Variants in THAP5 observed in about 807,000 individuals in gnomAD.
The protein encoded by THAP5 is THAP domain-containing protein 5.
In THAP5, 26 loss-of-function variants were observed where a neutral mutation model predicts 34.0. The ratio of observed to expected loss-of-function variants is 0.77; its 90% CI spans 0.56 to 1.06. THAP5 has a LOEUF of 1.06. THAP5 is among the 50% of genes least tolerant of loss of function. THAP5 has a pLI of 0.00. For synonymous variants in THAP5, 125 were observed against 153.0 expected, an observed-to-expected ratio of 0.82 and a Z score of 1.35; for missense variants, 394 against 452.8, an observed-to-expected ratio of 0.87 and a Z score of 1.18.
Position 108,564,328 on chromosome 7 carries a change from T to C in THAP5, c.1051A>G (p.Lys351Glu). 6.2e-7 allele frequency: 1 copy of C among 1,613,920 alleles called. No individual in the cohort carries two copies. Among genetic ancestry groups the C allele is most frequent in the East Asian group, 2.2e-5 (1 of 44,804 alleles). The change falls in exon 3 of 3, where the codon AAA (lysine) becomes GAA (glutamate). Residue 351 changes from lysine to glutamate, a missense_variant. Transcript: ENST00000415914. ...AATCTACCTAGAGTTTGTTGCTCTTTTAACTCTAGAAGAGTTATCTTTGAA... is the reference window on the plus strand; with the variant it reads ...AATCTACCTAGAGTTTGTTGCTCTTCTAACTCTAGAAGAGTTATCTTTGAA... ...LHSKITLLEL[K>E]EQQTLGRLKS...
chr7:108,553,976 G>A (rs536342076), downstream of THAP5, among the ~76,000 whole-genome samples: 3 of 152,224 alleles, frequency 2.0e-5, no homozygotes, highest in East Asian at 5.8e-4. Flanking sequence ...AGCATGTATT[G>A]GAAACAATCC....
At chr7:108,551,151 C>G (rs1041331714), downstream of THAP5, among the ~76,000 whole-genome samples, 1 of 152,130 alleles carries the variant, frequency 6.6e-6, no homozygotes, top group Non-Finnish European at 1.5e-5. Context: ...CCTATGTTTT[C>G]TTATGACTAC....
At chr7:108,552,619 G>C (rs1324370933), downstream of THAP5, among the ~76,000 whole-genome samples, 1 of 152,184 alleles carries the variant, frequency 6.6e-6, no homozygotes, top group Non-Finnish European at 1.5e-5. Context: ...GGCCAACATG[G>C]TGAAACGCTG....
intron 2 of THAP5, 181 bp downstream of exon 2, chr7:108,565,649 G>T (rs1406350661): frequency 8.4e-6 from 4 of 474,396 alleles, no homozygotes; most frequent in Non-Finnish European, 1.5e-5. Context: ...CTCTTAAGCT[G>T]TGCTTCATGA....
rs1790417715 is a variant in THAP5, at chr7:108,563,984, A to G, written c.*207T>C. 1 of 427,854 alleles carries G rather than the reference A, an allele frequency of 2.3e-6. No homozygotes were observed. 26.5% of individuals were successfully genotyped at this position (427,854 alleles called of 1,614,324 possible). A position where few individuals can be genotyped will look rare whatever the true frequency, so the allele number is the denominator to read the frequency against. On this transcript the variant is annotated 3_prime_UTR_variant, in exon 3 of 3. Coordinates refer to ENST00000415914, the MANE Select transcript of THAP5 (RefSeq NM_001130475.3). The stretch of plus-strand genomic sequence containing the variant: ...TAAATTTTAATTTGGAAAATTATCA[A>G]GTAATAAAACTGCTTTTCTCTCCAG...
intron 1 of THAP5, chr7:108,569,050 C>T (rs573962784): frequency 1.0e-6 from 1 of 981,694 alleles, no homozygotes; most frequent in South Asian, 4.0e-5. Context: ...TTCCGGGCCT[C>T]AGTTTCCTCA....
chr7:108,558,377 G>GTA (rs1233660542), downstream of THAP5, among the ~76,000 whole-genome samples: 6 of 63,042 alleles, frequency 9.5e-5, no homozygotes, highest in South Asian at 4.9e-4. Flanking sequence ...ATGTGTGTGT[G>GTA]TATGTATATA....
Position 108,566,011 on chromosome 7 carries a change from T to G in THAP5, c.92A>C (p.His31Pro). The G allele has an allele frequency of 6.6e-7, 1 of 1,507,736 alleles. No homozygotes were observed. The highest frequency in any genetic ancestry group is 8.8e-7 in the Non-Finnish European group (1 of 1,133,628). 93.4% of individuals were successfully genotyped at this position (1,507,736 alleles called of 1,614,324 possible). A position where few individuals can be genotyped will look rare whatever the true frequency, so the allele number is the denominator to read the frequency against. ...CCACTTTTCCAGTCTTTCTTTGTCA[T>G]GTAGAGGAAATCTGGAATTTAAAAA... ...RKLSFYPFPL[H>P]DKERLEKWLK... The change falls in exon 2 of 3, where the codon CAT (histidine) becomes CCT (proline). Residue 31 changes from histidine (H) to proline (P), a missense_variant. Physicochemically the swap from His to Pro is moderately conservative, Grantham distance 77. Coordinates refer to ENST00000415914, the MANE Select transcript of THAP5 (RefSeq NM_001130475.3).
At chr7:108,544,019 A>G in the THAP5 span, among the ~76,000 whole-genome samples, 1 of 152,224 alleles carries the variant, frequency 6.6e-6, no homozygotes, top group Non-Finnish European at 1.5e-5. Context: ...TGAAATGGAT[A>G]GTCTTTGAAA....
intron 2 of THAP5, 57 bp downstream of exon 2, chr7:108,565,773 T>C (rs1790472536): frequency 7.4e-7 from 1 of 1,359,168 alleles, no homozygotes; most frequent in Non-Finnish European, 9.7e-7. Context: ...CCTGATCACC[T>C]GCCACCCTGA....
the THAP5 span, among the ~76,000 whole-genome samples, chr7:108,542,052 G>GA: frequency 4.6e-5 from 7 of 151,824 alleles, no homozygotes; most frequent in South Asian, 4.2e-4. Context: ...TGAAGATCAG[G>GA]AAAAAAAACC....
chr7:108,545,871 CTCTCATT>C, the THAP5 span, among the ~76,000 whole-genome samples: 1 of 152,028 alleles, frequency 6.6e-6, no homozygotes, highest in South Asian at 2.1e-4. Context: ...AATTTCTTTT[CTCTCATT>C]TAAGTCTTAT....
In THAP5 at chr7:108,564,129, A is replaced by C; in HGVS notation, c.*62T>G. ...TTATACAGGAAACAGTTCACTTTACATGTAGTTTGGTTTGGCTGGAAAAAG... is the reference window on the plus strand; with the variant it reads ...TTATACAGGAAACAGTTCACTTTACCTGTAGTTTGGTTTGGCTGGAAAAAG... On this transcript the variant is annotated 3_prime_UTR_variant, in exon 3 of 3. Coordinates refer to ENST00000415914, the MANE Select transcript of THAP5 (RefSeq NM_001130475.3). 1 of 1,314,682 alleles carries C rather than the reference A, an allele frequency of 7.6e-7. No individual in the cohort carries two copies. The highest frequency in any genetic ancestry group is 2.4e-5 in the Admixed American group (1 of 41,390). 81.4% of individuals were successfully genotyped at this position (1,314,682 alleles called of 1,614,324 possible).
At chr7:108,550,054 GTTTT>G (rs912613316), downstream of THAP5, among the ~76,000 whole-genome samples, 1 of 152,204 alleles carries the variant, frequency 6.6e-6, no homozygotes, top group Admixed American at 6.5e-5. Context: ...AAGATAAACA[GTTTT>G]TTTATTTTCT....
the THAP5 span, among the ~76,000 whole-genome samples, chr7:108,547,016 T>C: frequency 1.3e-5 from 2 of 152,328 alleles, no homozygotes; most frequent in South Asian, 2.1e-4. Context: ...TGGAAGTTGA[T>C]ATGCTGAAGG....
rs181473680 is a variant in THAP5, at chr7:108,555,091, C to A, written n.109-232G>T. ...TGGCTTTTGCACTGTTAAAATATACCTACCTAGGTTAGAGAGCCAATATGC... is the reference window on the plus strand; with the variant it reads ...TGGCTTTTGCACTGTTAAAATATACATACCTAGGTTAGAGAGCCAATATGC... On this transcript the variant is annotated intron_variant and non_coding_transcript_variant, in intron 1 of 1. Transcript: ENST00000468884. Among the ~76,000 whole-genome samples, 283 of 152,054 alleles carry A rather than the reference C, an allele frequency of 1.9e-3. 1 individual carries two copies. The highest frequency in any genetic ancestry group is 6.0e-3 in the African/African-American group (247 of 41,460).
chr7:108,541,789 A>G, the THAP5 span, among the ~76,000 whole-genome samples: 1 of 152,250 alleles, frequency 6.6e-6, no homozygotes, highest in African/African-American at 2.4e-5. Flanking sequence ...TACAGCAGTA[A>G]GACAGAATTC....
chr7:108,565,405 T>TA (rs1381597740), intron 2 of THAP5: 1 of 206,482 alleles, frequency 4.8e-6, no homozygotes, highest in Non-Finnish European at 9.7e-6. Context: ...CCATCCCTAC[T>TA]AAAAATACAA....
rs1338945976 is a variant in THAP5, at chr7:108,564,293, CAA to C, written c.1084_1085del (p.Leu362GlyfsTer15). 3 of 1,613,684 alleles carry C rather than the reference CAA, an allele frequency of 1.9e-6. No individual in the cohort carries two copies. Among genetic ancestry groups the C allele is most frequent in the Admixed American group, 1.7e-5 (1 of 59,978 alleles). On this transcript the variant is annotated frameshift_variant, in exon 3 of 3. Transcript: ENST00000415914. LOFTEE classifies it high-confidence loss of function. Reference sequence around the variant, plus strand: ...GCTTTAGCTGCCTTATAAGAGCTTCCAAAGACTTCAATCTACCTAGAGTTTGT... The same window carrying C: ...GCTTTAGCTGCCTTATAAGAGCTTCCAGACTTCAATCTACCTAGAGTTTGT... ...EQQTLGRLKSLEALIRQLKQE... is the reference protein window; with the variant it reads ...EQQTLGRLKSXEALIRQLKQE...
Sources: gnomAD v4.1 joint callset for allele counts (sites outside exome capture counted in the v4.1 genomes callset) on GRCh38, gnomAD v4.1.1 for gene constraint, MANE v1.5 for transcripts, NCBI Gene and HGNC (gene_info 2026-07-23, HGNC 2026-07-21) for gene names.